The following HSDL2 variants were observed in gnomAD, a reference collection of about 807,000 sequenced individuals.
The protein encoded by HSDL2 is hydroxysteroid dehydrogenase like 2.
A neutral mutation model predicts 46.3 loss-of-function variants in HSDL2; 27 were observed. That is an observed-to-expected ratio of 0.58 (90% confidence interval 0.43 to 0.80). The LOEUF (loss-of-function observed/expected upper bound fraction) is 0.80. Ranked by LOEUF, HSDL2 falls within the 30% of genes least tolerant of loss-of-function variation. The probability of loss-of-function intolerance (pLI) is 0.00; values close to 1 mark genes in which losing one functional copy is unlikely to be tolerated. For synonymous variants in HSDL2, 153 were observed against 163.6 expected (o/e 0.94, Z 0.50); for missense variants, 451 against 502.7 (o/e 0.90, Z 0.98).
chr9:112,407,090 G>A (rs957929302), intron 3 of HSDL2, among the ~76,000 whole-genome samples: 9 of 152,150 alleles, frequency 5.9e-5, no homozygotes, highest in East Asian at 3.9e-4. Context: ...ACTGAAGCAC[G>A]GAGCTTTGGC....
intron 8 of HSDL2, among the ~76,000 whole-genome samples, chr9:112,445,889 T>C (rs1033022934): frequency 6.6e-6 from 1 of 152,162 alleles, no homozygotes; most frequent in Admixed American, 6.5e-5. Flanking sequence ...GGTACAGAAA[T>C]ATCATATATC....
intron 4 of HSDL2, among the ~76,000 whole-genome samples, chr9:112,413,819 A>C (rs1831931253): frequency 6.6e-6 from 1 of 152,184 alleles, no homozygotes; most frequent in Non-Finnish European, 1.5e-5. Flanking sequence ...TATACTTGCC[A>C]GCAGTTTTGC....
At chr9:112,438,359 G>T (rs1216837212) in intron 6 of HSDL2, 72 bp from the exon 7 acceptor site, 12 of 992,988 alleles carry the variant, frequency 1.2e-5, no homozygotes, top group Admixed American at 3.7e-5. Flanking sequence ...GGTGGTGCTT[G>T]CTTGTTACTT....
chr9:112,394,367 A>G (rs1051280387), intron 1 of HSDL2, among the ~76,000 whole-genome samples: 12 of 152,146 alleles, frequency 7.9e-5, no homozygotes, highest in South Asian at 2.1e-4. Context: ...TGAACTACCT[A>G]TGGAAAGAAG....
At chr9:112,381,771 G>A (rs573606477) in intron 1 of HSDL2, among the ~76,000 whole-genome samples, 1 of 152,188 alleles carries the variant, frequency 6.6e-6, no homozygotes, top group Non-Finnish European at 1.5e-5. Context: ...TGCTCAACCT[G>A]TATATGAATA....
intron 1 of HSDL2, among the ~76,000 whole-genome samples, chr9:112,392,505 G>T (rs1831368044): frequency 6.6e-6 from 1 of 152,114 alleles, no homozygotes; most frequent in African/African-American, 2.4e-5. Context: ...AGTGGCCGTT[G>T]ATAGACCTGC....
At chr9:112,446,111 A>ATTT (rs35439887) in intron 8 of HSDL2, among the ~76,000 whole-genome samples, 1 of 150,414 alleles carries the variant, frequency 6.6e-6, no homozygotes, top group Non-Finnish European at 1.5e-5. Flanking sequence ...GCATCAGGTT[A>ATTT]TTTTTTTTTT....
Position 112,418,936 on chromosome 9 carries a change from C to G in HSDL2, c.576C>G (p.Val192=), listed in dbSNP as rs778324705. The G allele has an allele frequency of 1.3e-6, 2 of 1,596,148 alleles. No individual in the cohort carries two copies. Among genetic ancestry groups the G allele is most frequent in the South Asian group, 2.2e-5 (2 of 90,628 alleles). Residue 192 remains valine (V), a synonymous_variant, in exon 6 of 11, where the codon GTC becomes GTG. Transcript: ENST00000398805. The part of the protein sequence containing the change: ...MAEEFKGEIA[V]NALWPKTAIH... ...AAGAATTTAAAGGTGAAATTGCAGT[C>G]AATGCATTATGGCCTAAAACAGGTA...
At chr9:112,468,651 CT>C (rs1385841871) in intron 10 of HSDL2, among the ~76,000 whole-genome samples, 4 of 152,156 alleles carry the variant, frequency 2.6e-5, no homozygotes, top group South Asian at 4.2e-4. Context: ...CCTCTTCCCT[CT>C]TTCTCCACCT....
intron 1 of HSDL2, among the ~76,000 whole-genome samples, chr9:112,386,712 G>C (rs761172830): frequency 2.0e-5 from 3 of 152,134 alleles, no homozygotes; most frequent in Non-Finnish European, 2.9e-5. Context: ...GAGCTGGGAA[G>C]GTCAAGTCTC....
chr9:112,452,913 C>G (rs1013555276), intron 8 of HSDL2, among the ~76,000 whole-genome samples: 1 of 152,122 alleles, frequency 6.6e-6, no homozygotes, highest in Non-Finnish European at 1.5e-5. Flanking sequence ...CCTCCATTCC[C>G]GTGACCTAGT....
rs142361271 is a variant in HSDL2, at chr9:112,465,160, G to A, written c.1145-5272G>A. On this transcript the variant is annotated intron_variant, in intron 10 of 10. Transcript: ENST00000398805. ...TTTTTATTTTTTGAGACAGAGTCTCGCGCAGTCACCCCAGCTGGAGTGCAG... is the reference window on the plus strand; with the variant it reads ...TTTTTATTTTTTGAGACAGAGTCTCACGCAGTCACCCCAGCTGGAGTGCAG... 7.9e-4 allele frequency among the ~76,000 whole-genome samples: 120 copies of A among 152,124 alleles called. 1 individual carries two copies. Among genetic ancestry groups the A allele is most frequent in the African/African-American group, 2.5e-3 (104 of 41,488 alleles).
At chr9:112,444,423 T>G (rs62570034) in intron 8 of HSDL2, among the ~76,000 whole-genome samples, 1 of 14,668 alleles carries the variant, frequency 6.8e-5, no homozygotes, top group Non-Finnish European at 1.7e-4. Flanking sequence ...AATTGATGGG[T>G]TTTTTTTTTC....
rs1315020898 is a variant in HSDL2 at position 112,454,026 on chromosome 9, A to G, written c.879A>G (p.Glu293=). 6.2e-7 allele frequency: 1 copy of G among 1,613,682 alleles called. No individual in the cohort carries two copies. The highest frequency in any genetic ancestry group is 1.3e-5 in the African/African-American group (1 of 74,904). Residue 293 remains glutamate, a synonymous_variant, in exon 9 of 11, where the codon GAA becomes GAG. Coordinates refer to ENST00000398805, the MANE Select transcript of HSDL2 (RefSeq NM_032303.5). ...KKVESTGAVP[E]FKEEKLQLQP... Reference sequence around the variant, plus strand: ...AATATCTTATAGGTGCTGTTCCAGAATTCAAAGAAGAGAAACTGCAGCTGC... The same window carrying G: ...AATATCTTATAGGTGCTGTTCCAGAGTTCAAAGAAGAGAAACTGCAGCTGC...
intron 4 of HSDL2, among the ~76,000 whole-genome samples, chr9:112,410,169 G>T (rs1027050855): frequency 6.6e-6 from 1 of 152,188 alleles, no homozygotes; most frequent in Non-Finnish European, 1.5e-5. Context: ...AAAGAACATA[G>T]TCTTGATCTG....
At chr9:112,457,903 T>C (rs145698420) in intron 9 of HSDL2, among the ~76,000 whole-genome samples, 2 of 152,276 alleles carry the variant, frequency 1.3e-5, no homozygotes, top group African/African-American at 4.8e-5. Context: ...CCATCCTTAC[T>C]AGCCCTCTGC....
At position 112,420,017 on chromosome 9, in the gene HSDL2, A is replaced by G. The variant is rs7038244; in HGVS notation, c.598+1059A>G. ...TTCCATGTACTAGTGGGTAATGCCC[A>G]TGAAAACCTTAACTTCTTTTTATCT... On this transcript the variant is annotated intron_variant, in intron 6 of 10. Coordinates refer to ENST00000398805, the MANE Select transcript of HSDL2 (RefSeq NM_032303.5). Among the ~76,000 whole-genome samples the G allele has an allele frequency of 4.0e-3, 603 of 152,284 alleles. 2 individuals carry two copies. The highest frequency in any genetic ancestry group is 0.014 in the African/African-American group (570 of 41,572).
At chr9:112,424,197 T>G (rs906351329) in intron 6 of HSDL2, among the ~76,000 whole-genome samples, 4 of 150,554 alleles carry the variant, frequency 2.7e-5, no homozygotes, top group Non-Finnish European at 6.0e-5. Flanking sequence ...GGCGGGCGCC[T>G]GTAATCCCAG....
At chr9:112,426,885 T>TA (rs905654592) in intron 6 of HSDL2, among the ~76,000 whole-genome samples, 3 of 152,154 alleles carry the variant, frequency 2.0e-5, no homozygotes, top group African/African-American at 7.2e-5. Flanking sequence ...AAGTCAAACA[T>TA]ATGTACAAAC....
Sources: gnomAD v4.1 joint callset for allele counts (sites outside exome capture counted in the v4.1 genomes callset) on GRCh38, gnomAD v4.1.1 for gene constraint, MANE v1.5 for transcripts, NCBI Gene and HGNC (gene_info 2026-07-23, HGNC 2026-07-21) for gene names.